The following CAB39L variants were observed in gnomAD, a reference collection of about 807,000 sequenced individuals.
CAB39L encodes the protein calcium-binding protein 39-like.
CAB39L carries 23 observed loss-of-function variants against 39.1 expected under a neutral mutation model. The ratio of observed to expected loss-of-function variants is 0.59; its 90% confidence interval spans 0.42 to 0.83. CAB39L has a LOEUF of 0.83. Ranked by LOEUF, CAB39L falls within the 40% of genes least tolerant of loss-of-function variation. CAB39L has a pLI of 0.00. For synonymous variants in CAB39L, 126 were observed against 137.2 expected (o/e 0.92, Z 0.57); for missense variants, 366 against 391.9 (o/e 0.93, Z 0.56).
chr13:49,380,102 G>A (rs1408320179), intron 4 of CAB39L, among the ~76,000 whole-genome samples: 1 of 152,160 alleles, frequency 6.6e-6, no homozygotes, highest in African/African-American at 2.4e-5. Context: ...GCCTCCCAAA[G>A]TGCTGGGATT....
In CAB39L at chr13:49,382,930, C is replaced by T. The variant is rs764489206; in HGVS notation, c.-20G>A. 2 of 1,409,070 alleles carry T rather than the reference C, an allele frequency of 1.4e-6. No individual in the cohort carries two copies. The highest frequency in any genetic ancestry group is 2.3e-5 in the East Asian group (1 of 43,582). The allele number at this position is 1,409,070 out of a possible 1,614,324, so 87.3% of individuals were successfully genotyped here. A position where few individuals can be genotyped will look rare whatever the true frequency, so the allele number is the denominator to read the frequency against. On this transcript the variant is annotated 5_prime_UTR_variant, in exon 4 of 11. Transcript: ENST00000409308. ...TTTCATGTGTAGAAATCTCTTCTTCCAATATGGAATGCTAAAAACAAATAA... is the reference window on the plus strand; with the variant it reads ...TTTCATGTGTAGAAATCTCTTCTTCTAATATGGAATGCTAAAAACAAATAA...
At chr13:49,365,817 A>G (rs1435660982) in intron 5 of CAB39L, among the ~76,000 whole-genome samples, 2 of 149,976 alleles carry the variant, frequency 1.3e-5, no homozygotes, top group East Asian at 4.0e-4. Flanking sequence ...AAGAAAGGAA[A>G]TCAGTATATC....
At chr13:49,366,627 A>C (rs1368338748) in intron 5 of CAB39L, among the ~76,000 whole-genome samples, 1 of 41,864 alleles carries the variant, frequency 2.4e-5, no homozygotes, top group Non-Finnish European at 6.0e-5. Flanking sequence ...AACTCTGTCT[A>C]AAAAAAAAAA....
At chr13:49,388,108 T>C (rs888673023) in intron 3 of CAB39L, among the ~76,000 whole-genome samples, 2 of 152,042 alleles carry the variant, frequency 1.3e-5, no homozygotes, top group Non-Finnish European at 2.9e-5. Context: ...AGAAAAGATA[T>C]AGAGTGTGTA....
At chr13:49,374,553 T>A (rs1167669630) in intron 5 of CAB39L, among the ~76,000 whole-genome samples, 1 of 152,244 alleles carries the variant, frequency 6.6e-6, no homozygotes, top group Non-Finnish European at 1.5e-5. Context: ...CTTCTCAAAA[T>A]TTTTAATTTA....
At chr13:49,350,938 G>C in intron 6 of CAB39L, 26 bp from the exon 7 acceptor site, 1 of 1,533,326 alleles carries the variant, frequency 6.5e-7, no homozygotes, top group South Asian at 1.2e-5. Flanking sequence ...GAGAGAAATA[G>C]AGAACTCTGT....
Position 49,444,054 on chromosome 13 carries a change from A to C in CAB39L, c.-314T>G, listed in dbSNP as rs1250687686. 1 of 454,178 alleles carries C rather than the reference A, an allele frequency of 2.2e-6. No individual in the cohort carries two copies. Among genetic ancestry groups the C allele is most frequent in the South Asian group, 1.6e-5 (1 of 64,420 alleles). 28.1% of individuals were successfully genotyped at this position (454,178 alleles called of 1,614,324 possible). A position where few individuals can be genotyped will look rare whatever the true frequency, so the allele number is the denominator to read the frequency against. ...CGACTACGAGTAACTCCATTGGCTC[A>C]GCTACAGTGCGCGAGACAAGCCGAG... On this transcript the variant is annotated 5_prime_UTR_variant, in exon 1 of 11. Transcript: ENST00000409308.
intron 3 of CAB39L, among the ~76,000 whole-genome samples, chr13:49,398,527 A>T (rs747607795): frequency 6.6e-6 from 1 of 152,076 alleles, no homozygotes; most frequent in Non-Finnish European, 1.5e-5. Context: ...ATTTAGGACC[A>T]CTCAAAATCA....
intron 3 of CAB39L, among the ~76,000 whole-genome samples, chr13:49,383,657 G>A (rs1243254394): frequency 1.3e-5 from 2 of 152,060 alleles, no homozygotes; most frequent in Non-Finnish European, 2.9e-5. Flanking sequence ...GTTTTTCCTA[G>A]TACATATAAA....
At chr13:49,329,568 T>C (rs1203962873) in intron 10 of CAB39L, among the ~76,000 whole-genome samples, 1 of 65,660 alleles carries the variant, frequency 1.5e-5, no homozygotes, top group Admixed American at 1.2e-4. Context: ...TATATATATA[T>C]ATATATATAT....
At position 49,376,952 on chromosome 13, in the gene CAB39L, T is replaced by C. The variant is rs1240154987; in HGVS notation, c.276+15A>G. On this transcript the variant is annotated intron_variant, in intron 5 of 10. Coordinates refer to ENST00000409308, the MANE Select transcript of CAB39L (RefSeq NM_001079670.3). ...ATTGAAAAGCACCACTGACATCCTT[T>C]TACAGCTGGCTTACCTCAAAGTCTA... 1 of 1,572,478 alleles carries C rather than the reference T, an allele frequency of 6.4e-7. No individual in the cohort carries two copies. The highest frequency in any genetic ancestry group is 1.4e-5 in the African/African-American group (1 of 69,104).
At chr13:49,373,756 G>C (rs191974526) in intron 5 of CAB39L, among the ~76,000 whole-genome samples, 1 of 131,366 alleles carries the variant, frequency 7.6e-6, no homozygotes, top group Non-Finnish European at 1.6e-5. Flanking sequence ...TCGTACTCAA[G>C]GTAACACAGA....
At chr13:49,405,692 T>TGAAAGAAAGAAA (rs150254551) in intron 3 of CAB39L, among the ~76,000 whole-genome samples, 2 of 97,870 alleles carry the variant, frequency 2.0e-5, no homozygotes, top group African/African-American at 3.9e-5. Context: ...AAGACCCTGC[T>TGAAAGAAAGAAA]GAAAGAAAGA....
intron 3 of CAB39L, among the ~76,000 whole-genome samples, chr13:49,402,182 T>G (rs772932946): frequency 6.6e-6 from 1 of 152,086 alleles, no homozygotes; most frequent in Non-Finnish European, 1.5e-5. Context: ...CCGGTCAGAA[T>G]GCATAACACC....
intron 8 of CAB39L, among the ~76,000 whole-genome samples, chr13:49,343,147 A>G (rs945210068): frequency 2.0e-5 from 3 of 152,202 alleles, no homozygotes; most frequent in East Asian, 1.9e-4. Flanking sequence ...ATTTTACTGT[A>G]TAATGCTGCT....
chr13:49,402,149 GT>G (rs1008515931), intron 3 of CAB39L, among the ~76,000 whole-genome samples: 4 of 151,878 alleles, frequency 2.6e-5, no homozygotes, highest in East Asian at 1.9e-4. Context: ...TGGAAAGAAG[GT>G]TTTTTTTCCC....
chr13:49,330,236 T>C (rs910680617), intron 10 of CAB39L, among the ~76,000 whole-genome samples: 2 of 152,232 alleles, frequency 1.3e-5, no homozygotes, highest in African/African-American at 2.4e-5. Flanking sequence ...AAATTCAAAG[T>C]AGTTGCGTTG....
intron 4 of CAB39L, among the ~76,000 whole-genome samples, chr13:49,381,188 G>A (rs7319048): frequency 0.54 from 82,574 of 151,660 alleles, 23,848 homozygotes; most frequent in African/African-American, 0.72. Flanking sequence ...TCAGCCTCGC[G>A]AAGTGCTGGG....
chr13:49,382,237 G>A (rs1956265823), intron 4 of CAB39L, among the ~76,000 whole-genome samples: 1 of 151,960 alleles, frequency 6.6e-6, no homozygotes, highest in Admixed American at 6.6e-5. Context: ...ACTAGAATTA[G>A]AATAAGCTAT....
Sources: allele counts gnomAD v4.1 joint callset (sites outside exome capture counted in the v4.1 genomes callset), GRCh38; gene constraint gnomAD v4.1.1; transcripts MANE v1.5; gene names NCBI Gene and HGNC (gene_info 2026-07-23, HGNC 2026-07-21).